Variants in KCNH7 observed in about 807,000 individuals in gnomAD.
The protein encoded by KCNH7 is potassium voltage-gated channel subfamily H member 7, also known as voltage-gated inwardly rectifying potassium channel KCNH7.
In KCNH7, 49 loss-of-function variants were observed where a neutral mutation model predicts 120.8. The ratio of observed to expected loss-of-function variants is 0.41; its 90% confidence interval spans 0.32 to 0.51. KCNH7 has a LOEUF of 0.51. Ranked by LOEUF, KCNH7 falls within the 20% of genes least tolerant of loss-of-function variation. KCNH7 has a pLI of 0.38. For missense variants in KCNH7, 1,097 were observed against 1,446.6 expected, an observed-to-expected ratio of 0.76 and a Z score of 3.92; for synonymous variants, 547 against 516.1, an observed-to-expected ratio of 1.06 and a Z score of -0.81.
At chr2:162,690,428 AAG>A (rs1240606340) in intron 2 of KCNH7, among the ~76,000 whole-genome samples, 1 of 152,166 alleles carries the variant, frequency 6.6e-6, no homozygotes, top group African/African-American at 2.4e-5. Flanking sequence ...ATATTGACTC[AAG>A]TAAAGGAAAT....
Position 162,517,933 on chromosome 2 carries a change from T to C in KCNH7, c.689A>G (p.Asn230Ser). The C allele has an allele frequency of 1.2e-6, 2 of 1,612,408 alleles. No individual in the cohort carries two copies. The highest frequency in any genetic ancestry group is 1.7e-6 in the Non-Finnish European group (2 of 1,178,870). ...IQPSKCSPLV[N>S]ISGPLDHSSP... ...GGAATGGTCAAGAGGTCCGGATATATTCACCAAGGGAGAACATTTGCTGGG... is the reference window on the plus strand; with the variant it reads ...GGAATGGTCAAGAGGTCCGGATATACTCACCAAGGGAGAACATTTGCTGGG... The change falls in exon 4 of 16, where the codon AAT (asparagine) becomes AGT (serine). Residue 230 changes from asparagine to serine, a missense_variant. Transcript: ENST00000332142.
At chr2:162,483,981 A>C (rs1428447047) in intron 6 of KCNH7, among the ~76,000 whole-genome samples, 2 of 152,172 alleles carry the variant, frequency 1.3e-5, no homozygotes, top group African/African-American at 2.4e-5. Flanking sequence ...GGAAGTGCCA[A>C]GTGGAAAGAG....
chr2:162,675,149 G>A (rs751950420), intron 2 of KCNH7, among the ~76,000 whole-genome samples: 23 of 151,500 alleles, frequency 1.5e-4, no homozygotes, highest in Non-Finnish European at 3.0e-4. Flanking sequence ...TGGTTCTACT[G>A]ATGGATGGAA....
intron 2 of KCNH7, among the ~76,000 whole-genome samples, chr2:162,753,617 G>A (rs1688687227): frequency 6.6e-6 from 1 of 151,842 alleles, no homozygotes; most frequent in Non-Finnish European, 1.5e-5. Context: ...TATGTTAGTT[G>A]GAGTCAGTTC....
At position 162,543,505 on chromosome 2, in the gene KCNH7, C is replaced by T. The variant is rs145545991; in HGVS notation, c.308-6425G>A. Reference sequence around the variant, plus strand: ...ACCTGGTTGTCATATTCATGTTCTGCTGTGTGGCAGTATTGACAATGACTG... The same window carrying T: ...ACCTGGTTGTCATATTCATGTTCTGTTGTGTGGCAGTATTGACAATGACTG... On this transcript the variant is annotated intron_variant, in intron 2 of 15. Transcript: ENST00000332142. Among the ~76,000 whole-genome samples the T allele has an allele frequency of 4.1e-4, 62 of 152,196 alleles. 1 individual carries two copies. The East Asian group carries it at 9.3e-3, about 23-fold the overall frequency.
At chr2:162,552,654 A>C (rs1692710663) in intron 2 of KCNH7, among the ~76,000 whole-genome samples, 1 of 152,238 alleles carries the variant, frequency 6.6e-6, no homozygotes. Context: ...GACTTTTAAA[A>C]GCAGAGATTT....
rs1365683747 is a variant in KCNH7 at position 162,712,914 on chromosome 2, T to C, written c.307+123623A>G. On this transcript the variant is annotated intron_variant, in intron 2 of 15. Coordinates refer to ENST00000332142, the MANE Select transcript of KCNH7 (RefSeq NM_033272.4). ...TGATTGTAAAATGCCAATTGGATGC[T>C]GTTTTGGAAGTTGTAGCTACCTGGC... 2.0e-5 allele frequency among the ~76,000 whole-genome samples: 3 copies of C among 152,202 alleles called. No homozygotes were observed. In the East Asian group the frequency reaches 5.8e-4, roughly 29 times the overall value.
At chr2:162,721,591 A>G (rs1026470497) in intron 2 of KCNH7, among the ~76,000 whole-genome samples, 1 of 152,140 alleles carries the variant, frequency 6.6e-6, no homozygotes, top group African/African-American at 2.4e-5. Context: ...ATGCATGGTT[A>G]TGCTTGGATT....
intron 2 of KCNH7, among the ~76,000 whole-genome samples, chr2:162,612,600 GATAAGACCCTTCTAATCATAAAC>G (rs1367850806): frequency 2.6e-5 from 4 of 151,912 alleles, no homozygotes; most frequent in Non-Finnish European, 4.4e-5. Flanking sequence ...GATTTCCAGA[GATAAGACCCTTCTAATCATAAAC>G]TCAAAGTCCA....
chr2:162,571,202 C>G (rs10191578), intron 2 of KCNH7, among the ~76,000 whole-genome samples: 84,508 of 151,008 alleles, frequency 0.56, 24,169 homozygotes, highest in Admixed American at 0.67. Flanking sequence ...GAAAGTCTCA[C>G]GATACAAAAT....
chr2:162,496,824 GT>G (rs1207945497), intron 6 of KCNH7: 3 of 151,986 alleles, frequency 2.0e-5, no homozygotes, highest in African/African-American at 7.2e-5. Flanking sequence ...ACCACTTTTT[GT>G]TTGTTGTTGT....
intron 2 of KCNH7, among the ~76,000 whole-genome samples, chr2:162,834,230 A>C (rs1471558519): frequency 6.6e-6 from 1 of 152,138 alleles, no homozygotes; most frequent in African/African-American, 2.4e-5. Flanking sequence ...TGAAGATTCT[A>C]TCCAAGTTAT....
At chr2:162,593,126 C>T (rs1015234057) in intron 2 of KCNH7, among the ~76,000 whole-genome samples, 3 of 152,026 alleles carry the variant, frequency 2.0e-5, no homozygotes, top group African/African-American at 7.2e-5. Flanking sequence ...ATATTTTTGG[C>T]AACTCTTTCA....
At chr2:162,709,022 G>A (rs1172838984) in intron 2 of KCNH7, among the ~76,000 whole-genome samples, 3 of 152,092 alleles carry the variant, frequency 2.0e-5, no homozygotes, top group Non-Finnish European at 4.4e-5. Context: ...TAGACTTTAT[G>A]ATGGAGAGAA....
chr2:162,526,978 G>T (rs903348288), intron 3 of KCNH7, among the ~76,000 whole-genome samples: 3 of 152,028 alleles, frequency 2.0e-5, no homozygotes, highest in South Asian at 2.1e-4. Flanking sequence ...ACTAATAAAT[G>T]TCCATGAAAT....
rs756002760 is a variant in KCNH7 at position 162,470,656 on chromosome 2, G to A, written c.1129-24213C>T. On this transcript the variant is annotated intron_variant, in intron 6 of 15. Coordinates refer to ENST00000332142, the MANE Select transcript of KCNH7 (RefSeq NM_033272.4). Reference sequence around the variant, plus strand: ...AGCCCCCCGCCCGGCCAGCCGCCCCGTCCGGGAGGTGAGGGGCGCCTCTGC... The same window carrying A: ...AGCCCCCCGCCCGGCCAGCCGCCCCATCCGGGAGGTGAGGGGCGCCTCTGC... Among the ~76,000 whole-genome samples the A allele has an allele frequency of 8.6e-5, 13 of 151,742 alleles. No individual in the cohort carries two copies. The East Asian group carries it at 9.9e-4, about 12-fold the overall frequency.
At chr2:162,616,620 T>G (rs1683149908) in intron 2 of KCNH7, among the ~76,000 whole-genome samples, 1 of 152,178 alleles carries the variant, frequency 6.6e-6, no homozygotes, top group Non-Finnish European at 1.5e-5. Context: ...ATAAAATTTG[T>G]CACTGGTCTC....
intron 12 of KCNH7, among the ~76,000 whole-genome samples, chr2:162,388,379 CAG>C (rs1357834282): frequency 6.6e-6 from 1 of 151,522 alleles, no homozygotes; most frequent in Admixed American, 6.6e-5. Context: ...CACACACACA[CAG>C]AGTTAACTAT....
intron 2 of KCNH7, among the ~76,000 whole-genome samples, chr2:162,822,354 T>C (rs553798961): frequency 6.6e-6 from 1 of 152,246 alleles, no homozygotes; most frequent in African/African-American, 2.4e-5. Context: ...TAAGTGCTTT[T>C]ACAAATGTAA....
Sources: gnomAD v4.1 joint callset for allele counts (sites outside exome capture counted in the v4.1 genomes callset) on GRCh38, gnomAD v4.1.1 for gene constraint, MANE v1.5 for transcripts, NCBI Gene and HGNC (gene_info 2026-07-23, HGNC 2026-07-21) for gene names.